SVIL: variants seen among roughly 807,000 people sequenced by gnomAD.
The protein encoded by SVIL is supervillin, also known as archvillin.
A neutral mutation model predicts 240.4 loss-of-function variants in SVIL; 101 were observed. That is an observed-to-expected ratio of 0.42 (90% CI 0.36 to 0.50). SVIL has a LOEUF of 0.50. Ranked by LOEUF, SVIL falls within the 20% of genes least tolerant of loss-of-function variation. SVIL has a pLI of 0.01. For synonymous variants in SVIL, 999 were observed against 1,100.0 expected (o/e 0.91, Z 1.82); for missense variants, 2,512 against 2,818.7 (o/e 0.89, Z 2.46).
intron 3 of SVIL, among the ~76,000 whole-genome samples, chr10:29,645,130 G>A (rs1958614562): frequency 6.6e-6 from 1 of 152,190 alleles, no homozygotes; most frequent in Non-Finnish European, 1.5e-5. Flanking sequence ...GTAAGGGCTT[G>A]GTTTTAGTCT....
At chr10:29,675,821 C>T (rs955903481) in intron 2 of SVIL, among the ~76,000 whole-genome samples, 2 of 152,310 alleles carry the variant, frequency 1.3e-5, no homozygotes, top group Admixed American at 6.5e-5. Context: ...ACTGATCAGT[C>T]CAATTGCCCA....
intron 16 of SVIL, 24 bp from the exon 17 acceptor site, chr10:29,512,885 CAA>C (rs1949944830): frequency 6.2e-7 from 1 of 1,606,334 alleles, no homozygotes; most frequent in Admixed American, 1.7e-5. Context: ...ATGCCCGCCA[CAA>C]AGAGTTCAGC....
At chr10:29,513,049 T>C (rs555121792) in intron 16 of SVIL, among the ~76,000 whole-genome samples, 188 bp from the exon 17 acceptor site, 2 of 152,374 alleles carry the variant, frequency 1.3e-5, no homozygotes, top group East Asian at 3.9e-4. Context: ...TTTTCTAAGA[T>C]GGCCCGAAGA....
In SVIL at chr10:29,602,394, T is replaced by C. The variant is rs775757032; in HGVS notation, c.-201+32026A>G. On this transcript the variant is annotated intron_variant, in intron 1 of 37. Transcript: ENST00000355867. ...CTGCCTTGTCTCACCCTCCCTTCTC[T>C]GCTGTGGGACAACCTGGATCCCAGG... is the stretch of plus-strand genomic sequence containing the variant. 8.7e-6 allele frequency: 4 copies of C among 461,484 alleles called. No homozygotes were observed. In the East Asian group the frequency reaches 2.4e-4, roughly 28 times the overall value. 28.6% of individuals were successfully genotyped at this position (461,484 alleles called of 1,614,324 possible). A position where few individuals can be genotyped will look rare whatever the true frequency, so the allele number is the denominator to read the frequency against.
chr10:29,732,960 T>C (rs1016060331), intron 1 of SVIL, among the ~76,000 whole-genome samples: 1 of 152,104 alleles, frequency 6.6e-6, no homozygotes, highest in Non-Finnish European at 1.5e-5. Flanking sequence ...AATTACACAG[T>C]GGCAAAACCA....
intron 21 of SVIL, among the ~76,000 whole-genome samples, chr10:29,491,733 C>T (rs750119750): frequency 7.2e-4 from 110 of 152,276 alleles, no homozygotes; most frequent in Middle Eastern, 3.4e-3. Context: ...CTGCGCGGGC[C>T]TCTGTGCCCA....
chr10:29,711,234 T>C (rs1042655291), intron 1 of SVIL, among the ~76,000 whole-genome samples: 6 of 151,698 alleles, frequency 4.0e-5, no homozygotes, highest in African/African-American at 1.5e-4. Context: ...ACCCTGTCTC[T>C]ACTAAAAATA....
At chr10:29,635,613 GA>G (rs1425320812), upstream of SVIL, among the ~76,000 whole-genome samples, 1 of 152,112 alleles carries the variant, frequency 6.6e-6, no homozygotes, top group South Asian at 2.1e-4. Context: ...CTAACCTAAT[GA>G]AAAAAATATT....
intron 17 of SVIL, among the ~76,000 whole-genome samples, chr10:29,509,385 C>T (rs1224522398): frequency 1.8e-5 from 1 of 54,908 alleles, no homozygotes; most frequent in East Asian, 6.8e-4. Flanking sequence ...GAGAGAATAC[C>T]CAAACAGTTT....
intron 5 of SVIL, among the ~76,000 whole-genome samples, chr10:29,552,030 C>G (rs906018536): frequency 7.4e-4 from 112 of 152,062 alleles, no homozygotes; most frequent in African/African-American, 2.6e-3. Context: ...GGGCAGATAG[C>G]TTCAGCCCAG....
intron 2 of SVIL, among the ~76,000 whole-genome samples, chr10:29,567,899 C>T (rs532900279): frequency 6.6e-6 from 1 of 152,074 alleles, no homozygotes; most frequent in East Asian, 1.9e-4. Flanking sequence ...TGCCTGTAGT[C>T]CCAGCCACTC....
intron 1 of SVIL, among the ~76,000 whole-genome samples, chr10:29,615,773 C>T (rs1460832024): frequency 6.6e-6 from 1 of 152,174 alleles, no homozygotes; most frequent in Non-Finnish European, 1.5e-5. Context: ...AAATATCAGG[C>T]ATAATATCAA....
At chr10:29,513,632 A>G (rs1306831691) in intron 16 of SVIL, among the ~76,000 whole-genome samples, 2 of 152,198 alleles carry the variant, frequency 1.3e-5, no homozygotes, top group Non-Finnish European at 2.9e-5. Flanking sequence ...GATGTTTATG[A>G]CTGTTTCTCC....
At chr10:29,609,208 G>A (rs149622620) in intron 1 of SVIL, among the ~76,000 whole-genome samples, 23 of 152,334 alleles carry the variant, frequency 1.5e-4, no homozygotes, top group East Asian at 1.2e-3. Flanking sequence ...GCTGAATGGC[G>A]GAAGTGAAAG....
intron 2 of SVIL, among the ~76,000 whole-genome samples, chr10:29,684,669 C>T (rs1291626381): frequency 6.6e-6 from 1 of 152,024 alleles, no homozygotes; most frequent in Non-Finnish European, 1.5e-5. Context: ...CCTATGCAGA[C>T]CGTTAAAAGG....
intron 16 of SVIL, among the ~76,000 whole-genome samples, chr10:29,517,413 C>T (rs1322262831): frequency 2.6e-5 from 4 of 151,736 alleles, no homozygotes; most frequent in African/African-American, 9.7e-5. Flanking sequence ...GACAACAGTG[C>T]CAAGACCCTG....
chr10:29,612,046 G>T (rs3847391), intron 1 of SVIL, among the ~76,000 whole-genome samples: 4 of 152,080 alleles, frequency 2.6e-5, no homozygotes, highest in African/African-American at 9.7e-5. Context: ...CCTGCCCTAG[G>T]GGGTAGCTCA....
At chr10:29,541,907 A>C (rs1001821409) in intron 6 of SVIL, among the ~76,000 whole-genome samples, 1 of 152,192 alleles carries the variant, frequency 6.6e-6, no homozygotes, top group Non-Finnish European at 1.5e-5. Flanking sequence ...GCCTGACTCA[A>C]GACCACATAC....
intron 6 of SVIL, among the ~76,000 whole-genome samples, chr10:29,546,042 C>T (rs1050584993): frequency 2.6e-5 from 4 of 151,872 alleles, no homozygotes; most frequent in Admixed American, 1.3e-4. Context: ...GTAAAAAATA[C>T]AGCACATTTT....
Sources: gnomAD v4.1 joint callset for allele counts (sites outside exome capture counted in the v4.1 genomes callset) on GRCh38, gnomAD v4.1.1 for gene constraint, MANE v1.5 for transcripts, NCBI Gene and HGNC (gene_info 2026-07-23, HGNC 2026-07-21) for gene names.